OR7E24: variants seen among roughly 807,000 people sequenced by gnomAD.
OR7E24 encodes olfactory receptor 7E24.
For synonymous variants in OR7E24, 130 were observed against 157.5 expected (o/e 0.83, Z 1.31); for missense variants, 385 against 410.3 (o/e 0.94, Z 0.53).
chr19:9,227,012 A>G, the OR7E24 span, among the ~76,000 whole-genome samples: 240 of 152,192 alleles, frequency 1.6e-3, 1 homozygote, highest in African/African-American at 5.6e-3. Context: ...CCTAGTACCC[A>G]TTAGTTATTT....
At chr19:9,217,535 G>GGTTT in the OR7E24 span, among the ~76,000 whole-genome samples, 193 of 151,936 alleles carry the variant, frequency 1.3e-3, 1 homozygote, top group African/African-American at 4.1e-3. Flanking sequence ...ATGGATCATT[G>GGTTT]GTTTGTTTGT....
chr19:9,214,241 C>A, the OR7E24 span: 7 of 1,614,044 alleles, frequency 4.3e-6, no homozygotes, highest in Non-Finnish European at 5.1e-6. Flanking sequence ...TGGCCACATA[C>A]AAGACAATGT....
At position 9,250,977 on chromosome 19, in the gene OR7E24, G is replaced by A; in HGVS notation, c.-67G>A. ...TATTGCTGAGGGTGTATAATCCTAT[G>A]TGAAAACTTAATTTCTTAATTGCTT... On this transcript the variant is annotated 5_prime_UTR_variant, in exon 1 of 1. It adds an upstream start codon to the 5' untranslated region. Coordinates refer to ENST00000456448, the MANE Select transcript of OR7E24 (RefSeq NM_001079935.2). 2.5e-6 allele frequency: 3 copies of A among 1,213,738 alleles called. No individual in the cohort carries two copies. Among genetic ancestry groups the A allele is most frequent in the Non-Finnish European group, 2.3e-6 (2 of 877,258 alleles). 75.2% of individuals were successfully genotyped at this position (1,213,738 alleles called of 1,614,324 possible).
At chr19:9,238,756 A>G in the OR7E24 span, among the ~76,000 whole-genome samples, 1 of 152,142 alleles carries the variant, frequency 6.6e-6, no homozygotes, top group South Asian at 2.1e-4. Flanking sequence ...ATCTACCTGC[A>G]TGTGAGTTCA....
chr19:9,221,273 GA>G, the OR7E24 span, among the ~76,000 whole-genome samples: 7 of 107,584 alleles, frequency 6.5e-5, no homozygotes, highest in South Asian at 9.9e-4. Context: ...CTCGTCTCAA[GA>G]AAAAAAAAAT....
At chr19:9,219,041 A>C in the OR7E24 span, among the ~76,000 whole-genome samples, 177 of 152,306 alleles carry the variant, frequency 1.2e-3, 2 homozygotes, top group Middle Eastern at 3.4e-3. Context: ...TAGCAAAAAC[A>C]TAACAGCTAG....
At chr19:9,207,860 C>G in the OR7E24 span, 3 of 152,030 alleles carry the variant, frequency 2.0e-5, no homozygotes, top group Non-Finnish European at 4.4e-5. Flanking sequence ...TTGCGACCAC[C>G]TTCTAGTATA....
At chr19:9,230,981 G>A in the OR7E24 span, among the ~76,000 whole-genome samples, 4 of 152,004 alleles carry the variant, frequency 2.6e-5, no homozygotes, top group South Asian at 6.2e-4. Flanking sequence ...ACATGATCTC[G>A]CCTCACAGCA....
chr19:9,214,373 G>C, the OR7E24 span: 1 of 1,614,120 alleles, frequency 6.2e-7, no homozygotes, highest in Non-Finnish European at 8.5e-7. Flanking sequence ...GAACCAGGGA[G>C]AACCAGAAAA....
At chr19:9,243,961 G>T (rs1204902357), upstream of OR7E24, among the ~76,000 whole-genome samples, 2 of 152,152 alleles carry the variant, frequency 1.3e-5, no homozygotes, top group African/African-American at 4.8e-5. Context: ...CCCTGTGCAG[G>T]AGCCTGGTTT....
chr19:9,247,318 A>C (rs987078752), upstream of OR7E24: 1 of 395,238 alleles, frequency 2.5e-6, no homozygotes, highest in African/African-American at 2.1e-5. Context: ...GTAAATACTC[A>C]GCCTATGCCT....
chr19:9,237,620 T>A, the OR7E24 span, among the ~76,000 whole-genome samples: 2 of 152,068 alleles, frequency 1.3e-5, no homozygotes, highest in Non-Finnish European at 2.9e-5. Flanking sequence ...CGGCCTAGAT[T>A]GTTTTATTTG....
chr19:9,250,163 T>A (rs1228524907), upstream of OR7E24, among the ~76,000 whole-genome samples: 1 of 152,126 alleles, frequency 6.6e-6, no homozygotes. Context: ...GGTATGATCA[T>A]GGTTCAGTGC....
chr19:9,232,843 A>G, the OR7E24 span, among the ~76,000 whole-genome samples: 1 of 152,168 alleles, frequency 6.6e-6, no homozygotes, highest in African/African-American at 2.4e-5. Flanking sequence ...TGCTTCCACT[A>G]AGTGACGGGT....
the OR7E24 span, among the ~76,000 whole-genome samples, chr19:9,240,422 T>G: frequency 3.9e-5 from 6 of 152,322 alleles, 1 homozygote; most frequent in Non-Finnish European, 8.8e-5. Context: ...GATGAGGAGC[T>G]AATTTCATTC....
the OR7E24 span, among the ~76,000 whole-genome samples, chr19:9,216,647 AGT>A: frequency 1.3e-5 from 2 of 151,848 alleles, no homozygotes; most frequent in Non-Finnish European, 2.9e-5. Flanking sequence ...GCTGGAGTGC[AGT>A]GGTGCAATGT....
At chr19:9,214,196 G>A in the OR7E24 span, 4 of 1,614,016 alleles carry the variant, frequency 2.5e-6, no homozygotes, top group Admixed American at 3.3e-5. Context: ...AGGAGAAGAG[G>A]ATCCCAGCTA....
Position 9,251,848 on chromosome 19 carries a change from T to G in OR7E24, c.805T>G (p.Phe269Val). The change falls in exon 1 of 1, where the codon TTT (phenylalanine) becomes GTT (valine). Residue 269 changes from phenylalanine to valine, a missense_variant. Phe to Val is a conservative substitution (Grantham distance 50). Coordinates refer to ENST00000456448, the MANE Select transcript of OR7E24 (RefSeq NM_001079935.2). ...CGSHLAVVCL[F>V]YGTGLVGYLS... ...CTCTCACCTGGCAGTTGTTTGCTTA[T>G]TTTATGGAACAGGGCTTGTAGGGTA... is the stretch of plus-strand genomic sequence containing the variant. The G allele has an allele frequency of 2.5e-6, 4 of 1,614,108 alleles. No homozygotes were observed. The highest frequency in any genetic ancestry group is 3.4e-6 in the Non-Finnish European group (4 of 1,179,980).
upstream of OR7E24, among the ~76,000 whole-genome samples, chr19:9,246,466 T>TGGTGTGTGTGTGTGTG (rs1555720675): frequency 6.9e-5 from 9 of 130,986 alleles, no homozygotes; most frequent in African/African-American, 2.7e-4. Flanking sequence ...CTTAAAGGTA[T>TGGTGTGTGTGTGTGTG]TGTGTGTGTG....
Sources: allele counts gnomAD v4.1 joint callset (sites outside exome capture counted in the v4.1 genomes callset), GRCh38; gene constraint gnomAD v4.1.1; transcripts MANE v1.5; gene names NCBI Gene and HGNC (gene_info 2026-07-23, HGNC 2026-07-21).